Variants in OSBPL10 observed in about 807,000 individuals in gnomAD.
OSBPL10 encodes the protein oxysterol-binding protein-related protein 10.
OSBPL10 carries 49 observed loss-of-function variants against 81.7 expected under a neutral mutation model. That is an observed-to-expected ratio of 0.60 (90% CI 0.48 to 0.76). OSBPL10 has a LOEUF of 0.76. OSBPL10 is among the 30% of genes least tolerant of loss of function. The pLI, the probability that OSBPL10 is intolerant of heterozygous loss-of-function variation, is 0.00. For synonymous variants in OSBPL10, 419 were observed against 383.6 expected (o/e 1.09, Z -1.08); for missense variants, 923 against 987.8 (o/e 0.93, Z 0.88).
At chr3:31,984,988 C>G (rs1368037496), upstream of OSBPL10, among the ~76,000 whole-genome samples, 1 of 152,200 alleles carries the variant, frequency 6.6e-6, no homozygotes, top group African/African-American at 2.4e-5. Flanking sequence ...CCTGTAATCC[C>G]AGCACTTTGG....
intron 3 of OSBPL10, among the ~76,000 whole-genome samples, chr3:31,847,183 T>G: frequency 6.7e-6 from 1 of 150,006 alleles, no homozygotes; most frequent in Non-Finnish European, 1.5e-5. Context: ...CATCTGCAAT[T>G]CTCCCCATTC....
intron 2 of OSBPL10, among the ~76,000 whole-genome samples, chr3:31,999,074 C>G (rs191126611): frequency 6.6e-6 from 1 of 152,270 alleles, no homozygotes; most frequent in African/African-American, 2.4e-5. Flanking sequence ...CTGAAGAGAG[C>G]CTAGCTTTTA....
intron 8 of OSBPL10, among the ~76,000 whole-genome samples, chr3:31,674,749 A>T (rs527633952): frequency 6.6e-6 from 1 of 152,324 alleles, no homozygotes; most frequent in East Asian, 1.9e-4. Context: ...TCAGAAGCAG[A>T]TGCTAGTGCC....
At chr3:31,837,991 G>C (rs1700401668) in intron 3 of OSBPL10, among the ~76,000 whole-genome samples, 1 of 152,004 alleles carries the variant, frequency 6.6e-6, no homozygotes, top group Non-Finnish European at 1.5e-5. Flanking sequence ...AAAAATTCCG[G>C]CAGGATTTTT....
intron 3 of OSBPL10, among the ~76,000 whole-genome samples, chr3:31,848,225 A>G (rs929956107): frequency 1.3e-5 from 2 of 151,896 alleles, no homozygotes; most frequent in African/African-American, 2.4e-5. Context: ...TGTGGTCTTA[A>G]GTTTACCTCT....
chr3:31,852,231 A>G lies in OSBPL10; in HGVS notation c.538-22000T>C, dbSNP rs78494239. 5.5e-3 allele frequency among the ~76,000 whole-genome samples: 839 copies of G among 152,288 alleles called. 9 individuals are homozygous for G. Among genetic ancestry groups the G allele is most frequent in the African/African-American group, 0.019 (782 of 41,560 alleles). The stretch of plus-strand genomic sequence containing the variant: ...CATTATCTGAGGCAGGGATTTCTCA[A>G]TGAGGGTGACTGTGCTCCTTCCCCT... On this transcript the variant is annotated intron_variant, in intron 3 of 11. Coordinates refer to ENST00000396556, the MANE Select transcript of OSBPL10 (RefSeq NM_017784.5).
intron 5 of OSBPL10, among the ~76,000 whole-genome samples, chr3:31,746,030 TTC>T (rs2125693508): frequency 6.6e-6 from 1 of 152,330 alleles, no homozygotes; most frequent in Non-Finnish European, 1.5e-5. Context: ...GCTGCTGTTA[TTC>T]TGTTAATTAT....
At chr3:31,815,478 C>T (rs1156421245) in intron 4 of OSBPL10, among the ~76,000 whole-genome samples, 2 of 152,114 alleles carry the variant, frequency 1.3e-5, no homozygotes, top group Non-Finnish European at 2.9e-5. Context: ...AGAGAAAATT[C>T]AGATCAAAGC....
At chr3:31,914,082 G>T (rs969445222) in intron 1 of OSBPL10, among the ~76,000 whole-genome samples, 6 of 152,032 alleles carry the variant, frequency 3.9e-5, no homozygotes, top group Non-Finnish European at 5.9e-5. Flanking sequence ...CACCACACCA[G>T]GCTAATTTTT....
chr3:31,944,518 T>C (rs1426845393), intron 1 of OSBPL10, among the ~76,000 whole-genome samples: 1 of 152,186 alleles, frequency 6.6e-6, no homozygotes, highest in Admixed American at 6.5e-5. Context: ...TATTTACATA[T>C]GGACATGTGG....
intron 4 of OSBPL10, among the ~76,000 whole-genome samples, chr3:31,817,187 G>A (rs1464748981): frequency 1.3e-5 from 2 of 152,198 alleles, no homozygotes; most frequent in Non-Finnish European, 2.9e-5. Flanking sequence ...AGTGGGACTG[G>A]CAGCCCGGCC....
intron 2 of OSBPL10, among the ~76,000 whole-genome samples, chr3:32,016,754 G>T (rs142230338): frequency 2.0e-3 from 301 of 152,300 alleles, no homozygotes; most frequent in African/African-American, 6.8e-3. Context: ...AGTTTGGGAG[G>T]CAGAATTAAA....
At chr3:31,684,639 T>C (rs897543350) in intron 7 of OSBPL10, among the ~76,000 whole-genome samples, 3 of 152,048 alleles carry the variant, frequency 2.0e-5, no homozygotes, top group African/African-American at 7.2e-5. Context: ...GAGGCCTCGG[T>C]AGAAGAATGG....
chr3:31,670,124 G>A (rs1209580505), intron 9 of OSBPL10, among the ~76,000 whole-genome samples: 2 of 152,282 alleles, frequency 1.3e-5, no homozygotes, highest in East Asian at 1.9e-4. Context: ...CTGGCTCCAG[G>A]TGTCCCCAAG....
rs550750688 is a variant in OSBPL10, at chr3:31,748,079, G to C, written c.771C>G (p.His257Gln). The change falls in exon 5 of 12, where the codon CAC (histidine) becomes CAG (glutamine). Residue 257 changes from histidine (H) to glutamine (Q), a missense_variant. His to Gln is a conservative substitution (Grantham distance 24, BLOSUM62 0). This residue lies in a region of OSBPL10 where 514 missense variants were observed against 508.0 expected (regional missense o/e 1.01). Coordinates refer to ENST00000396556, the MANE Select transcript of OSBPL10 (RefSeq NM_017784.5). Reference protein sequence around the residue: ...QVEGQQKNLVHAIESLPGSGP... With the variant: ...QVEGQQKNLVQAIESLPGSGP... The stretch of plus-strand genomic sequence containing the variant: ...CGGACCCTGGCAGGGACTCAATGGC[G>C]TGCACAAGGTTCTTCTGCTGCCCTT... 1.2e-6 allele frequency: 2 copies of C among 1,614,062 alleles called. No homozygotes were observed. The highest frequency in any genetic ancestry group is 2.2e-5 in the South Asian group (2 of 91,072).
chr3:31,928,046 G>A (rs1255427137), intron 1 of OSBPL10, among the ~76,000 whole-genome samples: 1 of 152,110 alleles, frequency 6.6e-6, no homozygotes, highest in Admixed American at 6.5e-5. Context: ...TGTGAACCAC[G>A]ACCAGTAAAA....
chr3:31,661,811 A>G lies in OSBPL10; in HGVS notation c.*261T>C. On this transcript the variant is annotated 3_prime_UTR_variant, in exon 12 of 12. Coordinates refer to ENST00000396556, the MANE Select transcript of OSBPL10 (RefSeq NM_017784.5). ...GAGTGCAGTATTTAAATGTGTAATCATACTCAGATGTTTACATAGTGCATG... is the reference window on the plus strand; with the variant it reads ...GAGTGCAGTATTTAAATGTGTAATCGTACTCAGATGTTTACATAGTGCATG... The G allele has an allele frequency of 2.8e-6, 1 of 362,780 alleles. No individual in the cohort carries two copies. The highest frequency in any genetic ancestry group is 4.2e-5 in the East Asian group (1 of 23,710). The allele number at this position is 362,780 out of a possible 1,614,324, so 22.5% of individuals were successfully genotyped here. A position where few individuals can be genotyped will look rare whatever the true frequency, so the allele number is the denominator to read the frequency against.
chr3:31,981,434 T>G, upstream of OSBPL10: 18 of 461,718 alleles, frequency 3.9e-5, no homozygotes, highest in Non-Finnish European at 4.8e-5. The surrounding 1 kb of genome is among the most constrained non-coding windows in gnomAD (Gnocchi z 4.5). Context: ...CCGCACTAGT[T>G]TCCCGGGCAA....
intron 4 of OSBPL10, among the ~76,000 whole-genome samples, chr3:31,819,904 C>T (rs991185652): frequency 1.3e-5 from 2 of 152,184 alleles, no homozygotes; most frequent in Non-Finnish European, 2.9e-5. Flanking sequence ...GCCAAGGCTT[C>T]CTTAAGGAAG....
Sources: allele counts gnomAD v4.1 joint callset (sites outside exome capture counted in the v4.1 genomes callset), GRCh38; gene constraint gnomAD v4.1.1; regional missense constraint gnomAD v4.1.1; non-coding constraint Gnocchi (gnomAD v3.1); transcripts MANE v1.5; gene names NCBI Gene and HGNC (gene_info 2026-07-23, HGNC 2026-07-21).